The following NDC80 variants were observed in gnomAD, a reference collection of about 807,000 sequenced individuals.
NDC80 encodes the protein kinetochore protein NDC80 homolog.
In NDC80, 69 loss-of-function variants were observed where a neutral mutation model predicts 89.3. The ratio of observed to expected loss-of-function variants is 0.77; its 90% CI spans 0.64 to 0.94. NDC80 has a LOEUF of 0.94. Among genes scored for constraint, NDC80 ranks in the 40% least tolerant of loss-of-function variants. The pLI is 0.00. For missense variants in NDC80, 593 were observed against 739.6 expected (o/e 0.80, Z 2.30); for synonymous variants, 243 against 255.6 (o/e 0.95, Z 0.47).
chr18:2,605,158 A>G (rs1164550201), intron 13 of NDC80, among the ~76,000 whole-genome samples: 4 of 152,150 alleles, frequency 2.6e-5, no homozygotes, highest in Non-Finnish European at 4.4e-5. Context: ...TAAAGAATAT[A>G]AAAGAGAAGT....
Position 2,572,423 on chromosome 18 carries a change from C to T in NDC80, c.-9-554C>T, listed in dbSNP as rs547232871. Among the ~76,000 whole-genome samples, 5 of 152,192 alleles carry T rather than the reference C, an allele frequency of 3.3e-5. No individual in the cohort carries two copies. In the East Asian group the frequency reaches 9.7e-4, roughly 29 times the overall value. ...CCATTTTATGGACCGGATGATTTAT[C>T]CTTGTTGAAGGGGAGATTGATGCCA... On this transcript the variant is annotated intron_variant, in intron 1 of 16. Coordinates refer to ENST00000261597, the MANE Select transcript of NDC80 (RefSeq NM_006101.3).
At chr18:2,606,579 T>G (rs2072712989) in intron 14 of NDC80, 72 bp downstream of exon 14, 1 of 963,164 alleles carries the variant, frequency 1.0e-6, no homozygotes, top group South Asian at 1.7e-5. Flanking sequence ...TCACATATTC[T>G]GACATCAAAA....
In NDC80 at chr18:2,590,166, A is replaced by G. The variant is rs1367396844; in HGVS notation, c.1015+4A>G. The G allele has an allele frequency of 6.3e-7, 1 of 1,582,532 alleles. No individual in the cohort carries two copies. The highest frequency in any genetic ancestry group is 2.3e-5 in the East Asian group (1 of 43,660). On this transcript the variant is annotated splice_donor_region_variant and intron_variant, in intron 10 of 16. Coordinates refer to ENST00000261597, the MANE Select transcript of NDC80 (RefSeq NM_006101.3). ...AATGAGGAAATTGCTAGAGTAGGTA[A>G]GCAGAGCTAATGCTAAAAGACTGGG...
At position 2,585,142 on chromosome 18, in the gene NDC80, T is replaced by G. The variant is rs777320320; in HGVS notation, c.609T>G (p.Pro203=). ...ATACTGCCATGAAAGAAAGCTCACC[T>G]TTATTTGATGATGGGCAGCCTTGGG... ...KIHTAMKESS[P]LFDDGQPWGE... Residue 203 remains proline (P), a synonymous_variant, in exon 7 of 17, where the codon CCT becomes CCG. Coordinates refer to ENST00000261597, the MANE Select transcript of NDC80 (RefSeq NM_006101.3). The G allele has an allele frequency of 6.2e-7, 1 of 1,613,602 alleles. No individual in the cohort carries two copies. The highest frequency in any genetic ancestry group is 1.1e-5 in the South Asian group (1 of 91,070).
intron 11 of NDC80, among the ~76,000 whole-genome samples, chr18:2,598,380 C>G (rs548420275): frequency 6.6e-6 from 1 of 152,236 alleles, no homozygotes; most frequent in South Asian, 2.1e-4. Context: ...AACTTATATT[C>G]AGAAAGTGGA....
intron 13 of NDC80, among the ~76,000 whole-genome samples, chr18:2,605,862 T>C (rs1046844326): frequency 7.9e-5 from 12 of 152,280 alleles, no homozygotes; most frequent in African/African-American, 2.9e-4. Flanking sequence ...GAAATGAACT[T>C]GAAAAACACT....
intron 6 of NDC80, among the ~76,000 whole-genome samples, chr18:2,584,441 G>A (rs1406477776): frequency 6.6e-6 from 1 of 150,474 alleles, no homozygotes; most frequent in African/African-American, 2.4e-5. Context: ...ATTTTTTCAT[G>A]TTTTAAATGT....
At chr18:2,587,736 T>A (rs1463318837) in intron 7 of NDC80, 94 bp from the exon 8 acceptor site, 1 of 987,958 alleles carries the variant, frequency 1.0e-6, no homozygotes, top group Non-Finnish European at 1.6e-6. Flanking sequence ...TTCTGACTAT[T>A]TTTTAAATTC....
intron 1 of NDC80, 23 bp from the exon 2 acceptor site, chr18:2,572,954 A>T (rs1411447018): frequency 6.3e-7 from 1 of 1,587,462 alleles, no homozygotes; most frequent in Non-Finnish European, 8.6e-7. Flanking sequence ...AGTTTTTTTT[A>T]AATACTGAAT....
At chr18:2,582,541 T>C (rs2072583764) in intron 6 of NDC80, 1 of 152,244 alleles carries the variant, frequency 6.6e-6, no homozygotes, top group Admixed American at 6.5e-5. Flanking sequence ...ACAACTACTG[T>C]TCTCAGTTGA....
chr18:2,604,351 A>T (rs2072699314), intron 13 of NDC80, among the ~76,000 whole-genome samples: 1 of 152,216 alleles, frequency 6.6e-6, no homozygotes, highest in Admixed American at 6.5e-5. Context: ...ATCCACATGC[A>T]TGCACACACA....
chr18:2,610,861 GGTAA>G lies in NDC80; in HGVS notation c.1791+4_1791+7del. On this transcript the variant is annotated splice_donor_variant and splice_donor_region_variant and intron_variant, in intron 16 of 16. Transcript: ENST00000261597. LOFTEE classifies it high-confidence loss of function. ...TTGCTACACATGTTGGGTCTGTAGA[GGTAA>G]GTATGTGATGGTCTTTCCTACGTTC... 6.6e-7 allele frequency: 1 copy of G among 1,509,336 alleles called. No individual in the cohort carries two copies. The highest frequency in any genetic ancestry group is 9.0e-7 in the Non-Finnish European group (1 of 1,112,434). 93.5% of individuals were successfully genotyped at this position (1,509,336 alleles called of 1,614,324 possible).
At position 2,578,922 on chromosome 18, in the gene NDC80, C is replaced by T. The variant is rs2072562106; in HGVS notation, c.477-5C>T. On this transcript the variant is annotated splice_polypyrimidine_tract_variant and splice_region_variant and intron_variant, in intron 5 of 16. Coordinates refer to ENST00000261597, the MANE Select transcript of NDC80 (RefSeq NM_006101.3). The stretch of plus-strand genomic sequence containing the variant: ...ATTAGCTTATGTTTTTCTGATTTCT[C>T]ATAGGTATCCTTTTGCACTATCCAA... The T allele has an allele frequency of 1.4e-6, 2 of 1,452,760 alleles. No homozygotes were observed. The highest frequency in any genetic ancestry group is 1.5e-5 in the African/African-American group (1 of 68,520). The allele number at this position is 1,452,760 out of a possible 1,614,324, so 90.0% of individuals were successfully genotyped here.
intron 7 of NDC80, among the ~76,000 whole-genome samples, chr18:2,586,353 TC>T (rs1361538242): frequency 3.3e-5 from 5 of 152,152 alleles, no homozygotes; most frequent in African/African-American, 1.2e-4. Flanking sequence ...GAGAAAATTA[TC>T]CTCCCACATT....
intron 2 of NDC80, 138 bp from the exon 3 acceptor site, chr18:2,574,851 A>G (rs933058930): frequency 1.6e-6 from 1 of 620,842 alleles, no homozygotes; most frequent in Non-Finnish European, 2.8e-6. Context: ...AGCTTTCATG[A>G]CTGCTAAACA....
At chr18:2,594,862 C>T (rs2072646363) in intron 10 of NDC80, 1 of 152,228 alleles carries the variant, frequency 6.6e-6, no homozygotes, top group Non-Finnish European at 1.5e-5. Flanking sequence ...TGGAGGGATC[C>T]TCGATATTAC....
At chr18:2,598,231 C>T (rs1158116579) in intron 11 of NDC80, among the ~76,000 whole-genome samples, 4 of 152,086 alleles carry the variant, frequency 2.6e-5, no homozygotes, top group Admixed American at 6.6e-5. Context: ...CAATGAGAAA[C>T]GAAGTATGTG....
At chr18:2,601,698 C>T (rs543314848) in intron 13 of NDC80, among the ~76,000 whole-genome samples, 44 of 152,062 alleles carry the variant, frequency 2.9e-4, no homozygotes, top group African/African-American at 9.2e-4. Context: ...TATGATGAAG[C>T]GAGATGAAAC....
At chr18:2,607,178 G>A (rs975455625) in intron 14 of NDC80, among the ~76,000 whole-genome samples, 1 of 152,230 alleles carries the variant, frequency 6.6e-6, no homozygotes, top group African/African-American at 2.4e-5. Context: ...GGTGTGAAAT[G>A]TTTAGAAAAT....
Sources: allele counts gnomAD v4.1 joint callset (sites outside exome capture counted in the v4.1 genomes callset), GRCh38; gene constraint gnomAD v4.1.1; transcripts MANE v1.5; gene names NCBI Gene and HGNC (gene_info 2026-07-23, HGNC 2026-07-21).